AP3S1: variants seen among roughly 807,000 people sequenced by gnomAD.
AP3S1 encodes the protein adaptor related protein complex 3 subunit sigma 1.
In AP3S1, 12 loss-of-function variants were observed where a neutral mutation model predicts 21.3. The observed-to-expected ratio is 0.56, with a 90% CI of 0.36 to 0.91. The LOEUF (loss-of-function observed/expected upper bound fraction) is 0.91, where lower values mean the gene tolerates loss of function less well. AP3S1 is among the 40% of genes least tolerant of loss of function. The pLI, the probability that AP3S1 is intolerant of heterozygous loss-of-function variation, is 0.01. For synonymous variants in AP3S1, 48 were observed against 78.4 expected (o/e 0.61, Z 2.05); for missense variants, 116 against 225.0 (o/e 0.52, Z 3.10).
At chr5:115,857,651 G>C (rs1762893178) in intron 1 of AP3S1, among the ~76,000 whole-genome samples, 1 of 152,118 alleles carries the variant, frequency 6.6e-6, no homozygotes, top group African/African-American at 2.4e-5. Context: ...TTTAGCTGCT[G>C]ATTTCAGTGT....
chr5:115,855,043 C>CTATT (rs1232819575), intron 1 of AP3S1, among the ~76,000 whole-genome samples: 1 of 151,494 alleles, frequency 6.6e-6, no homozygotes, highest in Admixed American at 6.6e-5. Flanking sequence ...ATCTATCTAT[C>CTATT]TATCTATCTA....
chr5:115,852,403 C>T (rs1241849370), intron 1 of AP3S1, among the ~76,000 whole-genome samples: 3 of 151,870 alleles, frequency 2.0e-5, no homozygotes, highest in East Asian at 1.9e-4. Flanking sequence ...TAAAAGTTGC[C>T]CCAGCTTCTT....
chr5:115,853,021 A>G (rs1191175650), intron 1 of AP3S1: 1 of 454,290 alleles, frequency 2.2e-6, no homozygotes, highest in South Asian at 1.6e-5. Context: ...TATGGTAAGA[A>G]TATGTTTAAT....
At chr5:115,896,194 T>C (rs1750743604) in intron 4 of AP3S1, among the ~76,000 whole-genome samples, 2 of 152,216 alleles carry the variant, frequency 1.3e-5, no homozygotes, top group Non-Finnish European at 2.9e-5. Flanking sequence ...CTAGTGTGTA[T>C]AGTACATGTA....
intron 3 of AP3S1, among the ~76,000 whole-genome samples, chr5:115,890,969 T>C (rs571717823): frequency 1.3e-5 from 2 of 152,342 alleles, no homozygotes; most frequent in East Asian, 3.9e-4. Flanking sequence ...AAGTTAATAT[T>C]TGTTAATTGC....
chr5:115,874,591 A>C (rs1299027270), intron 3 of AP3S1, among the ~76,000 whole-genome samples: 1 of 152,164 alleles, frequency 6.6e-6, no homozygotes, highest in Non-Finnish European at 1.5e-5. Flanking sequence ...CTTTAGGTTT[A>C]GAAAGATACG....
At chr5:115,860,339 A>G (rs1205674226) in intron 1 of AP3S1, among the ~76,000 whole-genome samples, 1 of 152,208 alleles carries the variant, frequency 6.6e-6, no homozygotes, top group African/African-American at 2.4e-5. Context: ...TGTCATGTTA[A>G]CCACACATAT....
intron 1 of AP3S1, among the ~76,000 whole-genome samples, chr5:115,861,580 G>A (rs1763184753): frequency 6.6e-6 from 1 of 151,866 alleles, no homozygotes; most frequent in Non-Finnish European, 1.5e-5. Flanking sequence ...TTTGAGGCAG[G>A]GTCTTGCTCT....
chr5:115,906,150 TC>T (rs1751635501), intron 5 of AP3S1, among the ~76,000 whole-genome samples: 1 of 152,176 alleles, frequency 6.6e-6, no homozygotes, highest in Non-Finnish European at 1.5e-5. Context: ...AGAGTAAGAC[TC>T]CGTCTCAAAA....
At chr5:115,858,290 C>G (rs748219649) in intron 1 of AP3S1, among the ~76,000 whole-genome samples, 3 of 152,216 alleles carry the variant, frequency 2.0e-5, no homozygotes, top group Non-Finnish European at 4.4e-5. Context: ...TCCACATTGA[C>G]TGCATATAAA....
rs1270161291 is a variant in AP3S1, at chr5:115,842,100, G to T, written c.63G>T (p.Gln21His). Residue 21 changes from glutamine (Q) to histidine (H), a missense_variant, in exon 1 of 6, where the codon CAG becomes CAT. Physicochemically the swap from Gln to His is conservative, Grantham distance 24 (BLOSUM62 0). Transcript: ENST00000316788. ...HGKPRLSKFY[Q>H]PYSEDTQQQI... ...AGCCGCGGCTCTCCAAGTTCTACCA[G>T]CCCTACGTGAGTATCCAGCCGCCGC... The T allele has an allele frequency of 6.4e-7, 1 of 1,561,300 alleles. No homozygotes were observed. Among genetic ancestry groups the T allele is most frequent in the Admixed American group, 1.9e-5 (1 of 52,512 alleles).
chr5:115,862,106 T>C (rs539656371), intron 1 of AP3S1, among the ~76,000 whole-genome samples: 132 of 152,116 alleles, frequency 8.7e-4, no homozygotes, highest in Non-Finnish European at 1.7e-3. Flanking sequence ...CTGGTGGACA[T>C]TTGGGTCATT....
intron 1 of AP3S1, among the ~76,000 whole-genome samples, chr5:115,847,112 A>C (rs190081296): frequency 6.6e-6 from 1 of 152,200 alleles, no homozygotes; most frequent in Non-Finnish European, 1.5e-5. Flanking sequence ...CTGTTTCTGC[A>C]GTCCTGGACT....
At chr5:115,857,020 T>G (rs944850537) in intron 1 of AP3S1, among the ~76,000 whole-genome samples, 2 of 152,186 alleles carry the variant, frequency 1.3e-5, no homozygotes, top group African/African-American at 4.8e-5. Flanking sequence ...ATTTTCTTAG[T>G]TGAGTATTGC....
chr5:115,892,328 A>G (rs1461994674), intron 3 of AP3S1, among the ~76,000 whole-genome samples: 1 of 152,218 alleles, frequency 6.6e-6, no homozygotes, highest in Non-Finnish European at 1.5e-5. Context: ...AAGAAAAGAA[A>G]TCAGTGTGTC....
rs567856816 is a variant in AP3S1 at position 115,866,203 on chromosome 5, A to G, written c.70-467A>G. ...GCTTATATAAAGATGAGTAAGATGG[A>G]TGGACTCTTACCTCAGTCTATATTT... On this transcript the variant is annotated intron_variant, in intron 1 of 5. Transcript: ENST00000316788. Among the ~76,000 whole-genome samples the G allele has an allele frequency of 3.3e-5, 5 of 152,340 alleles. No individual in the cohort carries two copies. The East Asian group carries it at 9.6e-4, about 29-fold the overall frequency.
At chr5:115,885,124 C>A (rs765835749) in intron 3 of AP3S1, among the ~76,000 whole-genome samples, 2 of 152,186 alleles carry the variant, frequency 1.3e-5, no homozygotes, top group African/African-American at 4.8e-5. Context: ...TCATTATCTT[C>A]CTCCTGGTTC....
At chr5:115,891,290 G>C (rs1382912944) in intron 3 of AP3S1, among the ~76,000 whole-genome samples, 1 of 152,232 alleles carries the variant, frequency 6.6e-6, no homozygotes, top group Admixed American at 6.5e-5. Context: ...TCTGACACCA[G>C]ATATTTGGGA....
intron 2 of AP3S1, among the ~76,000 whole-genome samples, chr5:115,868,476 T>C (rs1747895305): frequency 6.6e-6 from 1 of 152,310 alleles, no homozygotes; most frequent in Admixed American, 6.5e-5. Flanking sequence ...GAAATTTTTA[T>C]TCTTGTCAAA....
Sources: allele counts gnomAD v4.1 joint callset (sites outside exome capture counted in the v4.1 genomes callset), GRCh38; gene constraint gnomAD v4.1.1; transcripts MANE v1.5; gene names NCBI Gene and HGNC (gene_info 2026-07-23, HGNC 2026-07-21).